TTC39B: variants seen among roughly 807,000 people sequenced by gnomAD.
The protein encoded by TTC39B is tetratricopeptide repeat domain 39B.
A neutral mutation model predicts 96.6 loss-of-function variants in TTC39B; 92 were observed. The observed-to-expected ratio is 0.95, with a 90% CI of 0.80 to 1.13. TTC39B has a LOEUF of 1.13. Ranked by LOEUF, TTC39B falls within the 50% of genes most tolerant of loss-of-function variation. TTC39B has a pLI of 0.00. For synonymous variants in TTC39B, 367 were observed against 299.4 expected, an observed-to-expected ratio of 1.23 and a Z score of -2.33; for missense variants, 955 against 809.3, an observed-to-expected ratio of 1.18 and a Z score of -2.18.
At chr9:15,166,800 G>A (rs1228224271) in exon 20 of TTC39B, 1 of 150,958 alleles carries the variant, frequency 6.6e-6, no homozygotes, top group East Asian at 2.0e-4. Context: ...ATAAAACAAT[G>A]TCTATTTATT....
chr9:15,294,632 T>A (rs1824306292), intron 1 of TTC39B, among the ~76,000 whole-genome samples: 1 of 150,944 alleles, frequency 6.6e-6, no homozygotes, highest in African/African-American at 2.5e-5. Flanking sequence ...CCCCTCCCAC[T>A]CAGGAAAGGA....
intron 1 of TTC39B, among the ~76,000 whole-genome samples, chr9:15,301,152 CTCCTT>C (rs1351287004): frequency 1.3e-5 from 2 of 152,182 alleles, no homozygotes; most frequent in Admixed American, 6.5e-5. Context: ...AATACCATCT[CTCCTT>C]TCAAGTCTTT....
At chr9:15,293,457 G>A (rs1434721754) in intron 1 of TTC39B, among the ~76,000 whole-genome samples, 1 of 152,144 alleles carries the variant, frequency 6.6e-6, no homozygotes, top group Admixed American at 6.5e-5. Flanking sequence ...AAGTTGGGAA[G>A]AAATGACCAC....
At position 15,279,986 on chromosome 9, in the gene TTC39B, C is replaced by G. The variant is rs565943045; in HGVS notation, c.241-12038G>C. 5.9e-5 allele frequency among the ~76,000 whole-genome samples: 9 copies of G among 151,434 alleles called. No homozygotes were observed. In the South Asian group the frequency reaches 1.9e-3, roughly 32 times the overall value. On this transcript the variant is annotated intron_variant, in intron 1 of 19. Transcript: ENST00000512701. ...TCTTGGCTCAGTGCAACCTCCACCC[C>G]CCGGGTTCAAGCGATTCTCCTGCCT...
At chr9:15,217,137 G>C (rs1820565747) in intron 3 of TTC39B, among the ~76,000 whole-genome samples, 1 of 152,190 alleles carries the variant, frequency 6.6e-6, no homozygotes, top group East Asian at 1.9e-4. Context: ...ACAGGCAAAA[G>C]CCAGAAACCA....
intron 7 of TTC39B, among the ~76,000 whole-genome samples, chr9:15,203,515 C>A (rs996651075): frequency 6.6e-6 from 1 of 151,880 alleles, no homozygotes; most frequent in Non-Finnish European, 1.5e-5. Context: ...CCCACCTCAG[C>A]CTCCCAAACT....
chr9:15,179,432 A>C (rs1257637918), intron 17 of TTC39B, among the ~76,000 whole-genome samples: 2 of 152,216 alleles, frequency 1.3e-5, no homozygotes, highest in African/African-American at 4.8e-5. Context: ...CCAACCAGAA[A>C]GGGGTTACTT....
rs141496298 is a variant in TTC39B, at chr9:15,282,958, C to T, written c.241-15010G>A. ...TGAACTTCATCAAACTGAGCCAGAGCTGTACAGACACTGTAACTTTTCTTC... is the reference window on the plus strand; with the variant it reads ...TGAACTTCATCAAACTGAGCCAGAGTTGTACAGACACTGTAACTTTTCTTC... On this transcript the variant is annotated intron_variant, in intron 1 of 19. Coordinates refer to ENST00000512701, the Ensembl canonical transcript of TTC39B. Among the ~76,000 whole-genome samples, 137 of 152,296 alleles carry T rather than the reference C, an allele frequency of 9.0e-4. 2 individuals carry two copies. Among genetic ancestry groups the T allele is most frequent in the Middle Eastern group, 3.4e-3 (1 of 294 alleles).
At chr9:15,240,598 A>C (rs939019422) in intron 2 of TTC39B, among the ~76,000 whole-genome samples, 10 of 152,224 alleles carry the variant, frequency 6.6e-5, no homozygotes, top group African/African-American at 2.4e-4. Context: ...ATATTCATGA[A>C]GGGAATATTC....
chr9:15,299,993 C>T (rs1306252173), intron 1 of TTC39B, among the ~76,000 whole-genome samples: 1 of 152,140 alleles, frequency 6.6e-6, no homozygotes, highest in African/African-American at 2.4e-5. Flanking sequence ...CAAGATTGAA[C>T]ATTTCAGGAA....
Position 15,225,848 on chromosome 9 carries a change from T to A in TTC39B, c.371+69A>T, listed in dbSNP as rs148035782. On this transcript the variant is annotated intron_variant, in intron 3 of 19. Coordinates refer to ENST00000512701, the Ensembl canonical transcript of TTC39B. ...ACGCAATGCACTATGCAAATATCAG[T>A]ATTATATTCCTTCAAGGGTGGGACT... is the stretch of plus-strand genomic sequence containing the variant. 1,352 of 1,403,346 alleles carry A rather than the reference T, an allele frequency of 9.6e-4. 14 individuals are homozygous for A. In the African/African-American group the frequency reaches 0.015, roughly 15 times the overall value. 86.9% of individuals were successfully genotyped at this position (1,403,346 alleles called of 1,614,324 possible).
chr9:15,265,662 G>A (rs1176346827), intron 2 of TTC39B, among the ~76,000 whole-genome samples: 1 of 152,130 alleles, frequency 6.6e-6, no homozygotes, highest in Admixed American at 6.5e-5. Flanking sequence ...GGGGAAAAAG[G>A]GCAACTTCAC....
chr9:15,174,865 C>G (rs1413031963), intron 19 of TTC39B, among the ~76,000 whole-genome samples, 154 bp downstream of exon 19: 2 of 152,130 alleles, frequency 1.3e-5, no homozygotes, highest in African/African-American at 4.8e-5. Flanking sequence ...CAGCAAAAGC[C>G]ATGAGCATAA....
chr9:15,175,628 G>GA (rs921554019), intron 18 of TTC39B, among the ~76,000 whole-genome samples: 8 of 151,672 alleles, frequency 5.3e-5, no homozygotes, highest in African/African-American at 1.5e-4. Flanking sequence ...TAAAAGCAAT[G>GA]AAAAAAAATA....
At chr9:15,213,463 C>T (rs370756654) in intron 4 of TTC39B, among the ~76,000 whole-genome samples, 1 of 152,206 alleles carries the variant, frequency 6.6e-6, no homozygotes, top group Non-Finnish European at 1.5e-5. Context: ...CTAAGATTCA[C>T]ATGACCAGAG....
chr9:15,193,483 T>G (rs1160267738), intron 8 of TTC39B, among the ~76,000 whole-genome samples: 1 of 152,238 alleles, frequency 6.6e-6, no homozygotes, highest in East Asian at 1.9e-4. Context: ...ACACTTGTGA[T>G]CCAGTCTAGC....
intron 15 of TTC39B, chr9:15,185,646 A>G: frequency 2.4e-6 from 1 of 419,068 alleles, no homozygotes; most frequent in Non-Finnish European, 4.2e-6. Flanking sequence ...AGGCACACTC[A>G]AGATTGAGAA....
intron 1 of TTC39B, among the ~76,000 whole-genome samples, chr9:15,277,703 CT>C (rs1823598958): frequency 6.6e-6 from 1 of 152,188 alleles, no homozygotes; most frequent in African/African-American, 2.4e-5. Context: ...ATTCAAAATC[CT>C]AAGTTCTCTG....
chr9:15,266,003 T>C (rs924708038), intron 2 of TTC39B, among the ~76,000 whole-genome samples: 1 of 152,196 alleles, frequency 6.6e-6, no homozygotes, highest in East Asian at 1.9e-4. Flanking sequence ...TTGGGTGGGA[T>C]GCTGAGGCAG....
Sources: allele counts gnomAD v4.1 joint callset (sites outside exome capture counted in the v4.1 genomes callset), GRCh38; gene constraint gnomAD v4.1.1; transcripts MANE v1.5; gene names NCBI Gene and HGNC (gene_info 2026-07-23, HGNC 2026-07-21).